Variants in PMM2 observed in about 807,000 individuals in gnomAD.
PMM2 encodes the protein phosphomannomutase 2.
PMM2 carries 35 observed loss-of-function variants against 33.2 expected under a neutral mutation model. The ratio of observed to expected loss-of-function variants is 1.06; its 90% CI spans 0.81 to 1.40. The LOEUF (loss-of-function observed/expected upper bound fraction) is 1.40. Among genes scored for constraint, PMM2 ranks in the 40% most tolerant of loss-of-function variants. The probability of loss-of-function intolerance (pLI) is 0.00; values close to 1 mark genes in which losing one functional copy is unlikely to be tolerated. For missense variants in PMM2, 386 were observed against 306.0 expected (o/e 1.26, Z -1.95); for synonymous variants, 153 against 114.7 (o/e 1.33, Z -2.13).
intron 7 of PMM2, among the ~76,000 whole-genome samples, chr16:8,823,253 G>T (rs954425597): frequency 4.6e-5 from 7 of 151,994 alleles, no homozygotes; most frequent in African/African-American, 1.7e-4. Context: ...CAGCTTGCAG[G>T]GCCTCAGGAA....
intron 7 of PMM2, among the ~76,000 whole-genome samples, chr16:8,834,422 A>G (rs529417329): frequency 2.0e-4 from 31 of 151,926 alleles, no homozygotes; most frequent in Admixed American, 3.9e-4. Context: ...AAGGGAAGAA[A>G]TGACTGCGGT....
At position 8,847,847 on chromosome 16, in the gene PMM2, G is replaced by T. The variant is rs1338562581; in HGVS notation, c.*22G>T. ...CTAACGTGGGAGCGGGAGGGGCGGG[G>T]TCCCGGCTGACAAGCCAGCATAGGG... On this transcript the variant is annotated 3_prime_UTR_variant, in exon 8 of 8. Coordinates refer to ENST00000268261, the MANE Select transcript of PMM2 (RefSeq NM_000303.3). The T allele has an allele frequency of 6.3e-7, 1 of 1,579,076 alleles. No individual in the cohort carries two copies. The highest frequency in any genetic ancestry group is 1.7e-5 in the Admixed American group (1 of 59,976).
intron 7 of PMM2, among the ~76,000 whole-genome samples, chr16:8,827,741 T>C (rs1431194349): frequency 5.7e-4 from 18 of 31,780 alleles, no homozygotes; most frequent in Non-Finnish European, 4.0e-4. Context: ...TATATATATA[T>C]ATATATATAT....
At chr16:8,847,632 GT>G in intron 7 of PMM2, 91 bp from the exon 8 acceptor site, 2 of 900,998 alleles carry the variant, frequency 2.2e-6, no homozygotes, top group Non-Finnish European at 3.7e-6. Flanking sequence ...GTTAAATCTT[GT>G]TTTTTGGGTA....
chr16:8,831,903 C>T (rs1052551201), intron 7 of PMM2, among the ~76,000 whole-genome samples: 6 of 152,186 alleles, frequency 3.9e-5, no homozygotes, highest in Admixed American at 2.0e-4. Flanking sequence ...GAAATTGGAT[C>T]GTTCATTCTT....
At chr16:8,843,337 A>G (rs2060902519) in intron 7 of PMM2, among the ~76,000 whole-genome samples, 1 of 152,128 alleles carries the variant, frequency 6.6e-6, no homozygotes, top group South Asian at 2.1e-4. Context: ...TTCCAAGGCG[A>G]TTGGGCAGCG....
At chr16:8,803,255 C>T (rs779381529) in intron 2 of PMM2, among the ~76,000 whole-genome samples, 1 of 152,224 alleles carries the variant, frequency 6.6e-6, no homozygotes, top group Non-Finnish European at 1.5e-5. Flanking sequence ...TTAAAACTCT[C>T]TCTTCCACTT....
intron 7 of PMM2, among the ~76,000 whole-genome samples, chr16:8,822,727 A>C (rs1049813073): frequency 6.6e-6 from 1 of 152,222 alleles, no homozygotes; most frequent in South Asian, 2.1e-4. Context: ...TTCTGCTGAC[A>C]GGGAGCGTAG....
Position 8,810,957 on chromosome 16 carries a change from G to T in PMM2, c.348-122G>T, listed in dbSNP as rs1596488667. ...CTACCATATTACATAGCACAGAGCT[G>T]AGAAACATTGACCACACTAGCCTCT... On this transcript the variant is annotated intron_variant, in intron 4 of 7. Coordinates refer to ENST00000268261, the MANE Select transcript of PMM2 (RefSeq NM_000303.3). 7 of 713,300 alleles carry T rather than the reference G, an allele frequency of 9.8e-6. No individual in the cohort carries two copies. In the East Asian group the frequency reaches 1.6e-4, roughly 16 times the overall value. 44.2% of individuals were successfully genotyped at this position (713,300 alleles called of 1,614,324 possible).
chr16:8,807,877 A>G (rs963585671), intron 4 of PMM2: 4 of 152,210 alleles, frequency 2.6e-5, no homozygotes, highest in Non-Finnish European at 5.9e-5. Context: ...TAGTAATAAT[A>G]ATAATGATGA....
intron 7 of PMM2, among the ~76,000 whole-genome samples, chr16:8,842,040 CAGTA>C (rs1453280536): frequency 2.1e-5 from 3 of 141,616 alleles, no homozygotes; most frequent in Non-Finnish European, 4.6e-5. Flanking sequence ...TAGGCTAAAA[CAGTA>C]AGGTCAAGTT....
chr16:8,819,517 C>CT (rs2060725292), intron 7 of PMM2, among the ~76,000 whole-genome samples: 1 of 151,980 alleles, frequency 6.6e-6, no homozygotes, highest in Non-Finnish European at 1.5e-5. Context: ...AATGTGCTAT[C>CT]TATTGAAAAA....
chr16:8,842,990 A>G (rs1211989999), intron 7 of PMM2, among the ~76,000 whole-genome samples: 1 of 152,090 alleles, frequency 6.6e-6, no homozygotes, highest in East Asian at 1.9e-4. Flanking sequence ...GTTGGGGAGA[A>G]GGGCGGCAAT....
chr16:8,807,392 C>T (rs2060653742), intron 4 of PMM2, among the ~76,000 whole-genome samples: 2 of 152,296 alleles, frequency 1.3e-5, no homozygotes, highest in African/African-American at 4.8e-5. Flanking sequence ...TCCCTGCCGG[C>T]AGGTGCCACC....
chr16:8,847,680 GAC>G (rs764677000), intron 7 of PMM2, 42 bp from the exon 8 acceptor site: 19 of 1,439,084 alleles, frequency 1.3e-5, no homozygotes, highest in Admixed American at 1.7e-5. Flanking sequence ...AATGGCCCGG[GAC>G]AGACGAGGGG....
At chr16:8,812,870 G>T in intron 6 of PMM2, 121 bp from the exon 7 acceptor site, 1 of 735,814 alleles carries the variant, frequency 1.4e-6, no homozygotes. Flanking sequence ...GCAAACTAGA[G>T]TACTGAAAAT....
chr16:8,821,978 G>C (rs1015127095), intron 7 of PMM2, among the ~76,000 whole-genome samples: 7 of 152,328 alleles, frequency 4.6e-5, no homozygotes, highest in African/African-American at 1.7e-4. Flanking sequence ...CTTGCCCACT[G>C]CCTAGACAAG....
chr16:8,833,074 C>T (rs1200431796), intron 7 of PMM2: 4 of 227,264 alleles, frequency 1.8e-5, no homozygotes, highest in African/African-American at 2.3e-5. Flanking sequence ...GACCACCAAA[C>T]GGGCTTTGTG....
intron 2 of PMM2, 144 bp downstream of exon 2, chr16:8,802,054 T>G (rs780461718): frequency 3.1e-6 from 2 of 654,420 alleles, no homozygotes; most frequent in South Asian, 3.0e-5. Context: ...TTTCTTGGCC[T>G]TTGCTTTTCC....
Sources: gnomAD v4.1 joint callset for allele counts (sites outside exome capture counted in the v4.1 genomes callset) on GRCh38, gnomAD v4.1.1 for gene constraint, MANE v1.5 for transcripts, NCBI Gene and HGNC (gene_info 2026-07-23, HGNC 2026-07-21) for gene names.